The following KCNK12 variants were observed in gnomAD, a reference collection of about 807,000 sequenced individuals.
KCNK12 encodes the protein potassium two pore domain channel subfamily K member 12.
A neutral mutation model predicts 25.3 loss-of-function variants in KCNK12; 6 were observed. The ratio of observed to expected loss-of-function variants is 0.24; its 90% CI spans 0.13 to 0.47. KCNK12 has a LOEUF of 0.47. KCNK12 is among the 20% of genes least tolerant of loss of function. KCNK12 has a pLI of 0.99. For missense variants in KCNK12, 444 were observed against 661.7 expected (o/e 0.67, Z 3.61); for synonymous variants, 331 against 311.1 (o/e 1.06, Z -0.67).
rs920940171 is a variant in KCNK12, at chr2:47,566,137, C to G, written c.391+3804G>C. On this transcript the variant is annotated intron_variant, in intron 1 of 1. Transcript: ENST00000327876. This position sits in a 1 kb window ranked among gnomAD's most constrained non-coding sequence, Gnocchi z 4.1. The stretch of plus-strand genomic sequence containing the variant: ...AGATTGACTTTCTACACAGCCTGAA[C>G]GGCTGCTGAATAATCACAGGCAAAA... 6.6e-6 allele frequency: 1 copy of G among 152,202 alleles called. No homozygotes were observed. The highest frequency in any genetic ancestry group is 2.4e-5 in the African/African-American group (1 of 41,452). The allele number at this position is 152,202 out of a possible 1,614,324, so 9.4% of individuals were successfully genotyped here.
chr2:47,546,936 G>C (rs1669327421), intron 1 of KCNK12, among the ~76,000 whole-genome samples: 1 of 152,052 alleles, frequency 6.6e-6, no homozygotes, highest in African/African-American at 2.4e-5. Flanking sequence ...GAGGGAGGGA[G>C]GGGAACTGCC....
chr2:47,546,554 G>A (rs1458457703), intron 1 of KCNK12, among the ~76,000 whole-genome samples: 1 of 152,170 alleles, frequency 6.6e-6, no homozygotes, highest in Non-Finnish European at 1.5e-5. Flanking sequence ...ATACTGGGGA[G>A]GCTGAGGTGG....
chr2:47,513,922 C>T lies in KCNK12; in HGVS notation c.*6985G>A, dbSNP rs1460208103. Among the ~76,000 whole-genome samples, 1 of 152,224 alleles carries T rather than the reference C, an allele frequency of 6.6e-6. No homozygotes were observed. The highest frequency in any genetic ancestry group is 1.5e-5 in the Non-Finnish European group (1 of 68,038). On this transcript the variant is annotated 3_prime_UTR_variant, in exon 2 of 2. Coordinates refer to ENST00000327876, the MANE Select transcript of KCNK12 (RefSeq NM_022055.2). ...TTGGTCCACCCTGCCATCTGCTTTC[C>T]TCCTCCACTCCTGCATTCTGAGTCA...
In KCNK12 at chr2:47,513,963, G is replaced by A. The variant is rs192926311; in HGVS notation, c.*6944C>T. On this transcript the variant is annotated 3_prime_UTR_variant, in exon 2 of 2. Transcript: ENST00000327876. ...TTCTGAGTCATTTTCGGCAGCACAC[G>A]CATCCTTAAAACCCCTCCACTGGCT... 6.6e-6 allele frequency among the ~76,000 whole-genome samples: 1 copy of A among 152,174 alleles called. No individual in the cohort carries two copies.
At chr2:47,568,607 CCTCT>C (rs202142357) in intron 1 of KCNK12, among the ~76,000 whole-genome samples, 1 of 152,150 alleles carries the variant, frequency 6.6e-6, no homozygotes, top group African/African-American at 2.4e-5. Flanking sequence ...ATGGAGGCAG[CCTCT>C]CTCCCTGCCT....
At position 47,570,274 on chromosome 2, in the gene KCNK12, G is replaced by T; in HGVS notation, c.58C>A (p.Pro20Thr). Residue 20 changes from proline (P) to threonine (T), a missense_variant, in exon 1 of 2, where the codon CCC becomes ACC. Pro to Thr is a conservative substitution (Grantham distance 38, BLOSUM62 -1). This residue lies in a region of KCNK12 where 67 missense variants were observed against 59.2 expected (regional missense o/e 1.13). Transcript: ENST00000327876. Reference protein sequence around the residue: ...PRRSRRRLPRPSCCCCCCRRS... With the variant: ...PRRSRRRLPRTSCCCCCCRRS... Reference sequence around the variant, plus strand: ...CGGCAGCAGCAGCAGCAGCAGGAGGGGCGCGGCAGGCGGCGGCGGCTACGG... The same window carrying T: ...CGGCAGCAGCAGCAGCAGCAGGAGGTGCGCGGCAGGCGGCGGCGGCTACGG... The T allele has an allele frequency of 7.1e-7, 1 of 1,404,212 alleles. No individual in the cohort carries two copies. Among genetic ancestry groups the T allele is most frequent in the Non-Finnish European group, 9.3e-7 (1 of 1,080,762 alleles). 87.0% of individuals were successfully genotyped at this position (1,404,212 alleles called of 1,614,324 possible).
chr2:47,514,389 C>G lies in KCNK12; in HGVS notation c.*6518G>C, dbSNP rs1029726023. The stretch of plus-strand genomic sequence containing the variant: ...GGAGTCCAGGGACATCAAGGGCGGT[C>G]CTGTCTTTCTCACCCTTGTCTCTCC... On this transcript the variant is annotated 3_prime_UTR_variant, in exon 2 of 2. Transcript: ENST00000327876. The surrounding 1 kb of genome is among the most constrained non-coding windows in gnomAD (Gnocchi z 5.0). Among the ~76,000 whole-genome samples, 2 of 152,190 alleles carry G rather than the reference C, an allele frequency of 1.3e-5. No individual in the cohort carries two copies. The highest frequency in any genetic ancestry group is 4.1e-4 in the South Asian group (2 of 4,832).
At chr2:47,535,041 C>T (rs1400062571) in intron 1 of KCNK12, 2 of 228,650 alleles carry the variant, frequency 8.7e-6, no homozygotes, top group African/African-American at 2.2e-5. Context: ...AGTGCCCAGG[C>T]TGAGGGGGCA....
intron 1 of KCNK12, among the ~76,000 whole-genome samples, chr2:47,550,386 T>TC (rs992738723): frequency 6.9e-6 from 1 of 145,008 alleles, no homozygotes; most frequent in Non-Finnish European, 1.5e-5. Flanking sequence ...GACTTTTTTT[T>TC]TTTTTTTTTT....
Position 47,562,614 on chromosome 2 carries a change from G to A in KCNK12, c.391+7327C>T, listed in dbSNP as rs1405603786. 2 of 233,354 alleles carry A rather than the reference G, an allele frequency of 8.6e-6. No homozygotes were observed. Among genetic ancestry groups the A allele is most frequent in the Non-Finnish European group, 1.7e-5 (2 of 118,224 alleles). The allele number at this position is 233,354 out of a possible 1,614,324, so 14.5% of individuals were successfully genotyped here. On this transcript the variant is annotated intron_variant, in intron 1 of 1. Coordinates refer to ENST00000327876, the MANE Select transcript of KCNK12 (RefSeq NM_022055.2). This position sits in a 1 kb window ranked among gnomAD's most constrained non-coding sequence, Gnocchi z 4.8. ...GGTGGCTAGGGAATGGCAGGGTTTGGGGTAGAACTTCCTGGGGCCAGAGTC... is the reference window on the plus strand; with the variant it reads ...GGTGGCTAGGGAATGGCAGGGTTTGAGGTAGAACTTCCTGGGGCCAGAGTC...
Position 47,551,646 on chromosome 2 carries a change from G to A in KCNK12, c.391+18295C>T, listed in dbSNP as rs1033335134. 6.6e-5 allele frequency among the ~76,000 whole-genome samples: 10 copies of A among 152,170 alleles called. No homozygotes were observed. Among genetic ancestry groups the A allele is most frequent in the African/African-American group, 1.2e-4 (5 of 41,430 alleles). On this transcript the variant is annotated intron_variant, in intron 1 of 1. Coordinates refer to ENST00000327876, the MANE Select transcript of KCNK12 (RefSeq NM_022055.2). This position sits in a 1 kb window ranked among gnomAD's most constrained non-coding sequence, Gnocchi z 5.3. The stretch of plus-strand genomic sequence containing the variant: ...TGCTAACTGTTCTGGAAAGTATGAC[G>A]TGTGAAATCAGTATTACCCCCTACC...
At chr2:47,553,957 C>T (rs189885599) in intron 1 of KCNK12, among the ~76,000 whole-genome samples, 471 of 152,320 alleles carry the variant, frequency 3.1e-3, no homozygotes, top group Non-Finnish European at 5.2e-3. Flanking sequence ...TTGCCACTTA[C>T]ATGTGAACTC....
intron 1 of KCNK12, among the ~76,000 whole-genome samples, chr2:47,568,758 C>T (rs1209602318): frequency 6.6e-6 from 1 of 152,204 alleles, no homozygotes; most frequent in Non-Finnish European, 1.5e-5. Context: ...CCAGCCCCCT[C>T]CTCCAAAACT....
At chr2:47,542,871 C>A (rs1215409995) in intron 1 of KCNK12, among the ~76,000 whole-genome samples, 1 of 152,192 alleles carries the variant, frequency 6.6e-6, no homozygotes, top group Non-Finnish European at 1.5e-5. Flanking sequence ...TCTGGGCCAA[C>A]AAATACTTGG....
chr2:47,521,624 G>C lies in KCNK12; in HGVS notation c.576C>G (p.Ala192=). The change falls in exon 2 of 2, where the codon GCC becomes GCG. Residue 192 remains alanine (A), a synonymous_variant. Transcript: ENST00000327876. The stretch of plus-strand genomic sequence containing the variant: ...AGAGCGCGGAGCCGCGGCGGAAGGT[G>C]GCGGGCAGCAGGCCGCTGCGGCGCA... ...RQLRRSGLLP[A]TFRRGSALSE... 1 of 1,580,834 alleles carries C rather than the reference G, an allele frequency of 6.3e-7. No individual in the cohort carries two copies.
At chr2:47,531,725 A>C (rs1366579591) in intron 1 of KCNK12, among the ~76,000 whole-genome samples, 4 of 152,166 alleles carry the variant, frequency 2.6e-5, no homozygotes, top group Admixed American at 1.3e-4. Context: ...GGGTAACCAA[A>C]GGTTAAGGCG....
chr2:47,545,010 T>A (rs891346113), intron 1 of KCNK12, among the ~76,000 whole-genome samples: 1 of 152,244 alleles, frequency 6.6e-6, no homozygotes, highest in African/African-American at 2.4e-5. Context: ...AAATGTTCTA[T>A]AAGAAGTATC....
At position 47,540,532 on chromosome 2, in the gene KCNK12, T is replaced by C. The variant is rs1669174200; in HGVS notation, c.392-18724A>G. Among the ~76,000 whole-genome samples, 4 of 152,252 alleles carry C rather than the reference T, an allele frequency of 2.6e-5. No individual in the cohort carries two copies. Among genetic ancestry groups the C allele is most frequent in the Admixed American group, 2.6e-4 (4 of 15,282 alleles). On this transcript the variant is annotated intron_variant, in intron 1 of 1. Transcript: ENST00000327876. The surrounding 1 kb of genome is among the most constrained non-coding windows in gnomAD (Gnocchi z 5.4). ...CTTCAGTCAGATTTAGCGCTCCATCTTCTGCCTTTCTGAAGGGACAGTGGA... is the reference window on the plus strand; with the variant it reads ...CTTCAGTCAGATTTAGCGCTCCATCCTCTGCCTTTCTGAAGGGACAGTGGA...
At chr2:47,522,742 C>T (rs926131671) in intron 1 of KCNK12, among the ~76,000 whole-genome samples, 1 of 152,210 alleles carries the variant, frequency 6.6e-6, no homozygotes, top group Non-Finnish European at 1.5e-5. Flanking sequence ...GTGGGTAGTC[C>T]GTCACTTCCC....
Sources: allele counts gnomAD v4.1 joint callset (sites outside exome capture counted in the v4.1 genomes callset), GRCh38; gene constraint gnomAD v4.1.1; regional missense constraint gnomAD v4.1.1; non-coding constraint Gnocchi (gnomAD v3.1); transcripts MANE v1.5; gene names NCBI Gene and HGNC (gene_info 2026-07-23, HGNC 2026-07-21).